The following PPARD variants were observed in gnomAD, a reference collection of about 807,000 sequenced individuals.
PPARD encodes peroxisome proliferator-activated receptor delta.
In PPARD, 6 loss-of-function variants were observed where a neutral mutation model predicts 39.5. The ratio of observed to expected loss-of-function variants is 0.15; its 90% CI spans 0.08 to 0.30. PPARD has a LOEUF of 0.30. PPARD is among the 10% of genes least tolerant of loss of function. The pLI is 1.00. For synonymous variants in PPARD, 210 were observed against 231.3 expected (o/e 0.91, Z 0.83); for missense variants, 397 against 596.8 (o/e 0.67, Z 3.49).
intron 2 of PPARD, among the ~76,000 whole-genome samples, chr6:35,369,478 T>A (rs879369070): frequency 4.6e-5 from 7 of 152,180 alleles, no homozygotes; most frequent in Admixed American, 4.6e-4. Context: ...CCGCCCTTAC[T>A]CCAGCCCAAG....
chr6:35,405,165 C>T (rs1764954876), intron 2 of PPARD, among the ~76,000 whole-genome samples: 1 of 152,028 alleles, frequency 6.6e-6, no homozygotes, highest in Non-Finnish European at 1.5e-5. Flanking sequence ...TCAAGCGATT[C>T]TCTTGCCTCA....
At chr6:35,417,848 T>TA (rs1361618085) in intron 3 of PPARD, among the ~76,000 whole-genome samples, 10 of 152,226 alleles carry the variant, frequency 6.6e-5, no homozygotes, top group African/African-American at 2.2e-4. Context: ...ACCTCTTTCT[T>TA]ACCTCAGCTA....
At chr6:35,359,014 G>A (rs914722041) in intron 2 of PPARD, among the ~76,000 whole-genome samples, 4 of 152,162 alleles carry the variant, frequency 2.6e-5, no homozygotes, top group Non-Finnish European at 4.4e-5. Context: ...ATAGAGGGCC[G>A]GGGAAGGTCT....
At chr6:35,356,890 G>C (rs570240230) in intron 2 of PPARD, among the ~76,000 whole-genome samples, 1 of 152,218 alleles carries the variant, frequency 6.6e-6, no homozygotes, top group Admixed American at 6.5e-5. Context: ...ACTCTCTTCA[G>C]TTATCTCACT....
At chr6:35,348,729 C>G in intron 2 of PPARD, 3 of 985,194 alleles carry the variant, frequency 3.0e-6, no homozygotes, top group Non-Finnish European at 3.6e-6. Context: ...TCAGGAAGGT[C>G]CTGGGTGGGG....
At chr6:35,393,667 G>A (rs2150683600) in intron 2 of PPARD, among the ~76,000 whole-genome samples, 1 of 152,244 alleles carries the variant, frequency 6.6e-6, no homozygotes, top group African/African-American at 2.4e-5. Context: ...GACAGCATGG[G>A]CCAATTTTCT....
intron 2 of PPARD, among the ~76,000 whole-genome samples, chr6:35,373,574 C>A (rs1254970266): frequency 6.6e-6 from 1 of 152,190 alleles, no homozygotes; most frequent in Non-Finnish European, 1.5e-5. Context: ...AACTCCATAG[C>A]TGTTGGTACG....
intron 2 of PPARD, among the ~76,000 whole-genome samples, chr6:35,380,741 G>A (rs566534569): frequency 3.3e-5 from 5 of 152,044 alleles, no homozygotes; most frequent in Admixed American, 6.5e-5. Context: ...TGATCCTCCT[G>A]CCCTGGCCTC....
chr6:35,385,090 A>G (rs2150620627), intron 2 of PPARD, among the ~76,000 whole-genome samples: 1 of 145,060 alleles, frequency 6.9e-6, no homozygotes, highest in South Asian at 2.2e-4. Flanking sequence ...CCCTACTGGG[A>G]AGTGAGGAGC....
chr6:35,420,055 T>G (rs1766034816), intron 3 of PPARD, 72 bp from the exon 4 acceptor site: 1 of 1,549,510 alleles, frequency 6.5e-7, no homozygotes, highest in African/African-American at 1.4e-5. Context: ...GCGAGGGCTG[T>G]GGGGCTGTTC....
intron 2 of PPARD, among the ~76,000 whole-genome samples, chr6:35,374,502 T>TA (rs1762684950): frequency 6.6e-6 from 1 of 150,906 alleles, no homozygotes; most frequent in Non-Finnish European, 1.5e-5. Context: ...CTAAAAAATA[T>TA]AAAAAATTAG....
intron 2 of PPARD, among the ~76,000 whole-genome samples, chr6:35,404,664 C>G (rs569595373): frequency 6.6e-6 from 1 of 152,292 alleles, no homozygotes; most frequent in African/African-American, 2.4e-5. Flanking sequence ...AAAGTGAGCC[C>G]CTCCCTACTC....
chr6:35,414,180 T>C (rs758323580), intron 3 of PPARD, among the ~76,000 whole-genome samples: 1 of 152,126 alleles, frequency 6.6e-6, no homozygotes, highest in Non-Finnish European at 1.5e-5. Context: ...TCTGGAGTCA[T>C]TGAAAAGGAT....
intron 2 of PPARD, among the ~76,000 whole-genome samples, chr6:35,402,623 C>T (rs148696172): frequency 0.013 from 1,924 of 152,252 alleles, 15 homozygotes; most frequent in Middle Eastern, 0.027. Context: ...TCTCTGGTTC[C>T]AGCACTCTCT....
rs990072881 is a variant in PPARD, at chr6:35,425,558, C to T, written c.1079-274C>T. ...CTGCCTATAGCCTCACAGGCAGACA[C>T]AGGATTTGAATTAAGCATTGAGTCT... On this transcript the variant is annotated intron_variant, in intron 7 of 7. Coordinates refer to ENST00000360694, the MANE Select transcript of PPARD (RefSeq NM_006238.5). The surrounding 1 kb of genome is among the most constrained non-coding windows in gnomAD (Gnocchi z 4.5). Among the ~76,000 whole-genome samples the T allele has an allele frequency of 6.6e-6, 1 of 151,904 alleles. No individual in the cohort carries two copies. The highest frequency in any genetic ancestry group is 2.4e-5 in the African/African-American group (1 of 41,392).
At chr6:35,393,291 C>G (rs1034641505) in intron 2 of PPARD, among the ~76,000 whole-genome samples, 2 of 152,216 alleles carry the variant, frequency 1.3e-5, no homozygotes, top group African/African-American at 4.8e-5. Context: ...GGTTTATAGA[C>G]AGACTCCCGG....
At chr6:35,409,530 A>C (rs1013602182) in intron 2 of PPARD, among the ~76,000 whole-genome samples, 1 of 140,882 alleles carries the variant, frequency 7.1e-6, no homozygotes, top group Non-Finnish European at 1.6e-5. Context: ...ACAACAAAAA[A>C]ACCCATCAGA....
At chr6:35,422,797 T>A (rs1027029656) in intron 5 of PPARD, among the ~76,000 whole-genome samples, 2 of 152,162 alleles carry the variant, frequency 1.3e-5, no homozygotes, top group Non-Finnish European at 2.9e-5. Context: ...CCAGGAGAAG[T>A]CGAATTCGTA....
intron 2 of PPARD, among the ~76,000 whole-genome samples, chr6:35,364,431 C>CT (rs529866520): frequency 0.11 from 13,912 of 127,122 alleles, 2,304 homozygotes; most frequent in African/African-American, 0.34. Flanking sequence ...CCATGTTTAA[C>CT]TTTTTTTTTT....
Sources: allele counts gnomAD v4.1 joint callset (sites outside exome capture counted in the v4.1 genomes callset), GRCh38; gene constraint gnomAD v4.1.1; non-coding constraint Gnocchi (gnomAD v3.1); transcripts MANE v1.5; gene names NCBI Gene and HGNC (gene_info 2026-07-23, HGNC 2026-07-21).